The following CA13 variants were observed in gnomAD, a reference collection of about 807,000 sequenced individuals.
CA13 encodes carbonic anhydrase 13.
In CA13, 21 loss-of-function variants were observed where a neutral mutation model predicts 31.5. The observed-to-expected ratio is 0.67, with a 90% CI of 0.47 to 0.96. The LOEUF (loss-of-function observed/expected upper bound fraction) is 0.96. Among genes scored for constraint, CA13 ranks in the 40% least tolerant of loss-of-function variants. The probability of loss-of-function intolerance (pLI) is 0.00; values close to 1 mark genes in which losing one functional copy is unlikely to be tolerated. For synonymous variants in CA13, 117 were observed against 111.4 expected, an observed-to-expected ratio of 1.05 and a Z score of -0.32; for missense variants, 315 against 318.9, an observed-to-expected ratio of 0.99 and a Z score of 0.09.
intron 2 of CA13, among the ~76,000 whole-genome samples, chr8:85,259,070 T>G (rs529016910): frequency 6.6e-6 from 1 of 152,308 alleles, no homozygotes; most frequent in East Asian, 1.9e-4. Context: ...TGGACCTGTC[T>G]GCATGTCACA....
chr8:85,266,783 T>C, intron 4 of CA13, 80 bp downstream of exon 4: 1 of 1,013,768 alleles, frequency 9.9e-7, no homozygotes, highest in Non-Finnish European at 1.5e-6. Context: ...CATTCAACCA[T>C]CTTGTTTAAT....
At chr8:85,264,696 C>T (rs568246457) in intron 3 of CA13, among the ~76,000 whole-genome samples, 3 of 152,270 alleles carry the variant, frequency 2.0e-5, no homozygotes, top group Non-Finnish European at 2.9e-5. Context: ...GTGATCCTAA[C>T]GAAGTCATTC....
intron 6 of CA13, among the ~76,000 whole-genome samples, chr8:85,272,833 T>C (rs184512153): frequency 5.6e-4 from 85 of 152,012 alleles, no homozygotes; most frequent in Non-Finnish European, 9.1e-4. Flanking sequence ...TTTCTTTTTG[T>C]TTCTGAAGGA....
intron 6 of CA13, among the ~76,000 whole-genome samples, chr8:85,273,948 A>G (rs553300737): frequency 1.3e-5 from 2 of 151,872 alleles, no homozygotes; most frequent in African/African-American, 2.4e-5. Flanking sequence ...TGTAAACAAG[A>G]AGTGTCTCAG....
At position 85,277,818 on chromosome 8, in the gene CA13, C is replaced by A. The variant is rs569374601; in HGVS notation, c.670-3412C>A. Among the ~76,000 whole-genome samples the A allele has an allele frequency of 4.6e-5, 7 of 152,240 alleles. No individual in the cohort carries two copies. The South Asian group carries it at 1.5e-3, about 32-fold the overall frequency. On this transcript the variant is annotated intron_variant, in intron 6 of 6. Coordinates refer to ENST00000321764, the MANE Select transcript of CA13 (RefSeq NM_198584.3). ...GTGTCCCAGTCTGACGTGACTGCTG[C>A]GTAGTACCTGGACGGCCTCCCTCTC...
chr8:85,278,876 T>C (rs1807658327), intron 6 of CA13, among the ~76,000 whole-genome samples: 1 of 152,230 alleles, frequency 6.6e-6, no homozygotes. Flanking sequence ...ACTTCTCAGC[T>C]ACCCCTCAAG....
intron 6 of CA13, among the ~76,000 whole-genome samples, chr8:85,271,146 T>C (rs966525254): frequency 6.6e-6 from 1 of 152,132 alleles, no homozygotes; most frequent in Non-Finnish European, 1.5e-5. Context: ...AGAAAAAAAA[T>C]TCAGTCCCAG....
At chr8:85,270,380 G>A (rs1807513293) in intron 6 of CA13, among the ~76,000 whole-genome samples, 1 of 151,904 alleles carries the variant, frequency 6.6e-6, no homozygotes, top group South Asian at 2.1e-4. Flanking sequence ...CTTGTCTTTA[G>A]GATTAAAGGC....
intron 2 of CA13, among the ~76,000 whole-genome samples, chr8:85,252,496 C>T (rs896911032): frequency 6.6e-6 from 1 of 152,086 alleles, no homozygotes; most frequent in Admixed American, 6.5e-5. Flanking sequence ...GTCTTTCACA[C>T]CATGAATAAA....
At chr8:85,272,943 G>T (rs1807548573) in intron 6 of CA13, among the ~76,000 whole-genome samples, 1 of 152,160 alleles carries the variant, frequency 6.6e-6, no homozygotes, top group Non-Finnish European at 1.5e-5. Context: ...TCAGCCTCCT[G>T]AGTAGCTGGG....
chr8:85,276,954 C>G (rs547076999), intron 6 of CA13, among the ~76,000 whole-genome samples: 2 of 151,974 alleles, frequency 1.3e-5, no homozygotes, highest in Non-Finnish European at 2.9e-5. Flanking sequence ...ATGCACCAAT[C>G]GACACTCTGT....
chr8:85,276,136 T>C (rs1423500167), intron 6 of CA13, among the ~76,000 whole-genome samples: 1 of 152,024 alleles, frequency 6.6e-6, no homozygotes, highest in Non-Finnish European at 1.5e-5. Flanking sequence ...GGGCGTGGGC[T>C]CGGTGGGTCC....
chr8:85,272,091 G>C (rs944710577), intron 6 of CA13, among the ~76,000 whole-genome samples: 2 of 152,054 alleles, frequency 1.3e-5, no homozygotes. Context: ...AAAAGATAGA[G>C]ATCTCAGCCA....
At position 85,266,723 on chromosome 8, in the gene CA13, A is replaced by G; in HGVS notation, c.450+20A>G. The G allele has an allele frequency of 6.4e-7, 1 of 1,568,528 alleles. No individual in the cohort carries two copies. The highest frequency in any genetic ancestry group is 8.8e-7 in the Non-Finnish European group (1 of 1,139,564). On this transcript the variant is annotated intron_variant, in intron 4 of 6. Coordinates refer to ENST00000321764, the MANE Select transcript of CA13 (RefSeq NM_198584.3). ...TTACAGGTGAGAATCTACTGTTTTC[A>G]TTTTAAATGATCAGCCTTGTTGAAG...
intron 2 of CA13, among the ~76,000 whole-genome samples, chr8:85,257,791 G>A (rs1327465450): frequency 1.4e-5 from 2 of 146,766 alleles, no homozygotes; most frequent in Non-Finnish European, 3.0e-5. Flanking sequence ...GCTAATTTTT[G>A]TATTTTTTTT....
At chr8:85,269,528 G>T (rs1326385948) in intron 6 of CA13, among the ~76,000 whole-genome samples, 5 of 152,116 alleles carry the variant, frequency 3.3e-5, no homozygotes, top group African/African-American at 7.2e-5. Context: ...AAGGGGAGGG[G>T]AATGAGAGGG....
chr8:85,258,108 C>T (rs1807326084), intron 2 of CA13, among the ~76,000 whole-genome samples: 1 of 151,502 alleles, frequency 6.6e-6, no homozygotes, highest in Admixed American at 6.6e-5. Flanking sequence ...TCAAGCGATC[C>T]TCCCTCCTTG....
chr8:85,260,949 A>G (rs1807368404), intron 3 of CA13, among the ~76,000 whole-genome samples: 3 of 152,350 alleles, frequency 2.0e-5, no homozygotes, highest in East Asian at 1.9e-4. Context: ...TGAAAGTACT[A>G]CATACTCAGA....
rs867861763 is a variant in CA13, at chr8:85,267,308, A to T, written c.451-594A>T. On this transcript the variant is annotated intron_variant, in intron 4 of 6. Coordinates refer to ENST00000321764, the MANE Select transcript of CA13 (RefSeq NM_198584.3). ...GATGGCAACAATTCCTTGCCTTTGG[A>T]CACCAAGTAGGGGTGGTTGCGGCAG... 9.1e-6 allele frequency: 9 copies of T among 985,852 alleles called. No homozygotes were observed. The South Asian group carries it at 2.3e-4, about 26-fold the overall frequency. 61.1% of individuals were successfully genotyped at this position (985,852 alleles called of 1,614,324 possible).
Sources: allele counts gnomAD v4.1 joint callset (sites outside exome capture counted in the v4.1 genomes callset), GRCh38; gene constraint gnomAD v4.1.1; transcripts MANE v1.5; gene names NCBI Gene and HGNC (gene_info 2026-07-23, HGNC 2026-07-21).